TESMIN: variants seen among roughly 807,000 people sequenced by gnomAD.
TESMIN encodes testis expressed metallothionein like protein.
Under a neutral mutation model 47.4 loss-of-function variants are expected in TESMIN, and 34 were observed. The observed-to-expected ratio is 0.72, with a 90% CI of 0.55 to 0.96. The LOEUF (loss-of-function observed/expected upper bound fraction) is 0.96, where lower values mean the gene tolerates loss of function less well. Ranked by LOEUF, TESMIN falls within the 40% of genes least tolerant of loss-of-function variation. TESMIN has a pLI of 0.00. For synonymous variants in TESMIN, 278 were observed against 258.9 expected (o/e 1.07, Z -0.71); for missense variants, 610 against 637.2 (o/e 0.96, Z 0.46).
chr11:68,708,246 T>C lies in TESMIN; in HGVS notation c.*62A>G. 1 of 1,473,522 alleles carries C rather than the reference T, an allele frequency of 6.8e-7. No homozygotes were observed. Among genetic ancestry groups the C allele is most frequent in the Non-Finnish European group, 9.2e-7 (1 of 1,089,452 alleles). The allele number at this position is 1,473,522 out of a possible 1,614,324, so 91.3% of individuals were successfully genotyped here. A position where few individuals can be genotyped will look rare whatever the true frequency, so the allele number is the denominator to read the frequency against. On this transcript the variant is annotated 3_prime_UTR_variant, in exon 10 of 10. Transcript: ENST00000255087. ...AGCCAGCCTCATGTTCCCCTAAACA[T>C]CCTTTCTAAACTAGAGATTTCTAGA...
chr11:68,743,020 G>A (rs760452577), intron 4 of TESMIN, among the ~76,000 whole-genome samples: 6 of 152,026 alleles, frequency 3.9e-5, no homozygotes, highest in Non-Finnish European at 8.8e-5. Context: ...TGAGACTACA[G>A]GCCTGTGCCA....
intron 1 of TESMIN, among the ~76,000 whole-genome samples, chr11:68,750,919 G>T: frequency 8.1e-6 from 1 of 122,912 alleles, no homozygotes; most frequent in African/African-American, 3.2e-5. Flanking sequence ...GGGGCGACCA[G>T]ATGAGGGGCG....
intron 6 of TESMIN, chr11:68,737,557 C>A: frequency 3.0e-6 from 3 of 985,696 alleles, no homozygotes; most frequent in Non-Finnish European, 3.6e-6. Flanking sequence ...CGGGCTGTAT[C>A]CTGTAAGGTG....
intron 6 of TESMIN, chr11:68,737,110 C>T (rs1469784997): frequency 1.0e-6 from 1 of 985,266 alleles, no homozygotes; most frequent in Non-Finnish European, 1.2e-6. Flanking sequence ...TTTAGATCAT[C>T]CTGTGTAATG....
intron 6 of TESMIN, chr11:68,736,852 AG>A: frequency 1.0e-6 from 1 of 984,782 alleles, no homozygotes; most frequent in Non-Finnish European, 1.2e-6. Context: ...GCCGGGGGAG[AG>A]GAAAAGGGGG....
intron 6 of TESMIN, among the ~76,000 whole-genome samples, chr11:68,728,438 T>C (rs977277573): frequency 6.6e-6 from 1 of 152,174 alleles, no homozygotes; most frequent in Non-Finnish European, 1.5e-5. Context: ...TTCATGAGGT[T>C]GAAGGAAAGA....
intron 4 of TESMIN, among the ~76,000 whole-genome samples, chr11:68,742,964 C>T (rs1946475385): frequency 6.6e-6 from 1 of 151,814 alleles, no homozygotes; most frequent in Non-Finnish European, 1.5e-5. Context: ...GCAGCCTTGA[C>T]CCCCCTAGGC....
chr11:68,744,676 T>C (rs1946496329), intron 4 of TESMIN, among the ~76,000 whole-genome samples: 1 of 152,210 alleles, frequency 6.6e-6, no homozygotes, highest in Non-Finnish European at 1.5e-5. Flanking sequence ...TCTAGGCACA[T>C]CGAGGCACCT....
intron 6 of TESMIN, among the ~76,000 whole-genome samples, chr11:68,728,662 G>A (rs894242097): frequency 4.6e-5 from 7 of 152,232 alleles, no homozygotes; most frequent in Admixed American, 4.6e-4. Flanking sequence ...TGGCTTCAAC[G>A]CCTCAAAGGA....
intron 7 of TESMIN, among the ~76,000 whole-genome samples, chr11:68,714,793 G>A (rs942217228): frequency 6.6e-6 from 1 of 152,212 alleles, no homozygotes; most frequent in African/African-American, 2.4e-5. Context: ...GAAATGGCTG[G>A]ATCATAGCAT....
At chr11:68,741,761 C>G (rs1420386464) in intron 5 of TESMIN, among the ~76,000 whole-genome samples, 6 of 152,104 alleles carry the variant, frequency 3.9e-5, no homozygotes, top group Non-Finnish European at 5.9e-5. Flanking sequence ...CAACCAACCA[C>G]AAAACGCAAG....
chr11:68,750,325 C>G lies in TESMIN; in HGVS notation c.336G>C (p.Leu112=), dbSNP rs1385405251. 1 of 1,510,032 alleles carries G rather than the reference C, an allele frequency of 6.6e-7. No homozygotes were observed. Among genetic ancestry groups the G allele is most frequent in the Admixed American group, 2.2e-5 (1 of 46,022 alleles). The allele number at this position is 1,510,032 out of a possible 1,614,324, so 93.5% of individuals were successfully genotyped here. A position where few individuals can be genotyped will look rare whatever the true frequency, so the allele number is the denominator to read the frequency against. The change falls in exon 2 of 10, where the codon CTG becomes CTC. Residue 112 remains leucine (L), a synonymous_variant. Coordinates refer to ENST00000255087, the MANE Select transcript of TESMIN (RefSeq NM_004923.3). Reference sequence around the variant, plus strand: ...TGCAGGCGGGCGGCTGCGGGGCCTGCAGGAGCGCGACGTCCTCCAGCGCGC... The same window carrying G: ...TGCAGGCGGGCGGCTGCGGGGCCTGGAGGAGCGCGACGTCCTCCAGCGCGC... ...ELSALEDVAL[L]QAPQPPACNV...
At chr11:68,744,500 T>C (rs1449067245) in intron 4 of TESMIN, among the ~76,000 whole-genome samples, 1 of 152,236 alleles carries the variant, frequency 6.6e-6, no homozygotes. Context: ...ATGAATTTCT[T>C]AGAATGAATG....
chr11:68,719,816 A>G (rs1318417221), intron 6 of TESMIN, among the ~76,000 whole-genome samples: 1 of 152,234 alleles, frequency 6.6e-6, no homozygotes, highest in Non-Finnish European at 1.5e-5. Context: ...AGGTTAAGAG[A>G]AACAGTCAAG....
At position 68,710,909 on chromosome 11, in the gene TESMIN, C is replaced by A; in HGVS notation, c.1299G>T (p.Thr433=). 6.2e-7 allele frequency: 1 copy of A among 1,613,592 alleles called. No individual in the cohort carries two copies. The highest frequency in any genetic ancestry group is 8.5e-7 in the Non-Finnish European group (1 of 1,179,860). Residue 433 remains threonine, a synonymous_variant, in exon 9 of 10, where the codon ACG becomes ACT. Coordinates refer to ENST00000255087, the MANE Select transcript of TESMIN (RefSeq NM_004923.3). ...GLEGSHYLPP[T]KFSGLPRFSH... ...TGAATCTTGGAAGTCCTGAAAATTTCGTTGGTGGCAGGTAATGGCTGCCTT... is the reference window on the plus strand; with the variant it reads ...TGAATCTTGGAAGTCCTGAAAATTTAGTTGGTGGCAGGTAATGGCTGCCTT...
At chr11:68,713,439 G>T in intron 7 of TESMIN, 32 bp from the exon 8 acceptor site, 1 of 1,610,030 alleles carries the variant, frequency 6.2e-7, no homozygotes, top group Non-Finnish European at 8.5e-7. Context: ...CATCAGGATG[G>T]ATTTTATCAT....
At chr11:68,747,619 C>T (rs1266517327) in intron 2 of TESMIN, among the ~76,000 whole-genome samples, 1 of 152,214 alleles carries the variant, frequency 6.6e-6, no homozygotes, top group East Asian at 1.9e-4. Context: ...CACATTCTTC[C>T]AGCATGCTCA....
At chr11:68,734,385 G>A (rs1018704871) in intron 6 of TESMIN, among the ~76,000 whole-genome samples, 1 of 152,170 alleles carries the variant, frequency 6.6e-6, no homozygotes, top group African/African-American at 2.4e-5. Flanking sequence ...TAAACCATCG[G>A]GAGAAGTTCC....
chr11:68,719,432 T>C (rs1346250346), intron 6 of TESMIN, among the ~76,000 whole-genome samples: 1 of 152,096 alleles, frequency 6.6e-6, no homozygotes, highest in Non-Finnish European at 1.5e-5. Flanking sequence ...GTGTGGGAAA[T>C]GTGTGTGTTG....
Sources: gnomAD v4.1 joint callset for allele counts (sites outside exome capture counted in the v4.1 genomes callset) on GRCh38, gnomAD v4.1.1 for gene constraint, MANE v1.5 for transcripts, NCBI Gene and HGNC (gene_info 2026-07-23, HGNC 2026-07-21) for gene names.